The following MYBPC3 variants were observed in gnomAD, a reference collection of about 807,000 sequenced individuals.
MYBPC3 encodes the protein myosin binding protein C3, also known as myosin-binding protein C, cardiac-type.
In MYBPC3, 108 loss-of-function variants were observed where a neutral mutation model predicts 159.3. The observed-to-expected ratio is 0.68, with a 90% confidence interval of 0.58 to 0.80. MYBPC3 has a LOEUF of 0.80. Among genes scored for constraint, MYBPC3 ranks in the 30% least tolerant of loss-of-function variants. MYBPC3 has a pLI of 0.00. For synonymous variants in MYBPC3, 730 were observed against 702.0 expected, an observed-to-expected ratio of 1.04 and a Z score of -0.63; for missense variants, 1,631 against 1,762.1, an observed-to-expected ratio of 0.93 and a Z score of 1.33.
intron 34 of MYBPC3, 23 bp downstream of exon 34, chr11:47,331,822 C>G (rs767994248): frequency 2.1e-5 from 34 of 1,592,012 alleles, no homozygotes; most frequent in Admixed American, 3.5e-5. Context: ...TGACTTGTGC[C>G]CTGGGTGTCG....
intron 27 of MYBPC3, 133 bp downstream of exon 27, chr11:47,334,909 C>T (rs2095880709): frequency 8.9e-7 from 1 of 1,127,698 alleles, no homozygotes; most frequent in South Asian, 3.0e-5. Context: ...GACGATGGCT[C>T]CAACCCCTCC....
chr11:47,345,184 C>T (rs1028095757), intron 12 of MYBPC3, among the ~76,000 whole-genome samples: 4 of 152,242 alleles, frequency 2.6e-5, no homozygotes, highest in African/African-American at 7.2e-5. Context: ...TCTTTTCCTC[C>T]TTGGGCACCT....
At chr11:47,343,231 C>A in intron 14 of MYBPC3, 29 bp downstream of exon 14, 5 of 1,573,350 alleles carry the variant, frequency 3.2e-6, no homozygotes, top group Non-Finnish European at 3.4e-6. Context: ...CTGTGCCCCC[C>A]ACCCCAAGCC....
intron 12 of MYBPC3, among the ~76,000 whole-genome samples, chr11:47,345,781 G>A (rs190228104): frequency 1.2e-3 from 184 of 152,256 alleles, no homozygotes; most frequent in Non-Finnish European, 1.8e-3. Context: ...CAGGCTTAGC[G>A]GGCCTCTTCC....
In MYBPC3 at chr11:47,332,800, T is replaced by C; in HGVS notation, c.3490+14A>G. ...CTGCCCCAGCCCCTGGTTGGAAGAA[T>C]GAGGGTACAGCACCTGGTCTGGGGA... On this transcript the variant is annotated intron_variant, in intron 31 of 34. Coordinates refer to ENST00000545968, the MANE Select transcript of MYBPC3 (RefSeq NM_000256.3). The surrounding 1 kb of genome is among the most constrained non-coding windows in gnomAD (Gnocchi z 4.2). The C allele has an allele frequency of 6.2e-7, 1 of 1,600,182 alleles. No homozygotes were observed. Among genetic ancestry groups the C allele is most frequent in the South Asian group, 1.1e-5 (1 of 88,966 alleles).
Position 47,331,477 on chromosome 11 carries a change from C to T in MYBPC3, c.*266G>A, listed in dbSNP as rs564117422. On this transcript the variant is annotated 3_prime_UTR_variant, in exon 35 of 35. Transcript: ENST00000545968. ...GGGAAGACATAGCAGGCCAGAAAGGCCTGTCCCCAGACATTGTTTCTTGAG... is the reference window on the plus strand; with the variant it reads ...GGGAAGACATAGCAGGCCAGAAAGGTCTGTCCCCAGACATTGTTTCTTGAG... 9.8e-6 allele frequency: 2 copies of T among 204,768 alleles called. No individual in the cohort carries two copies. The highest frequency in any genetic ancestry group is 1.7e-4 in the South Asian group (1 of 5,978). 12.7% of individuals were successfully genotyped at this position (204,768 alleles called of 1,614,324 possible). A position where few individuals can be genotyped will look rare whatever the true frequency, so the allele number is the denominator to read the frequency against.
chr11:47,340,162 T>G (rs1184917520), intron 20 of MYBPC3, among the ~76,000 whole-genome samples: 5 of 150,420 alleles, frequency 3.3e-5, no homozygotes, highest in South Asian at 2.1e-4. Flanking sequence ...CAGACACACA[T>G]ACACATACAC....
At chr11:47,349,256 G>A (rs1565630647) in intron 5 of MYBPC3, among the ~76,000 whole-genome samples, 1 of 151,986 alleles carries the variant, frequency 6.6e-6, no homozygotes, top group East Asian at 1.9e-4. Context: ...CACAAAAAAC[G>A]AAGGCTTAAG....
Position 47,351,053 on chromosome 11 carries a change from G to A in MYBPC3, c.292+186C>T, listed in dbSNP as rs1218597334. 3.3e-5 allele frequency among the ~76,000 whole-genome samples: 5 copies of A among 152,244 alleles called. No homozygotes were observed. Among genetic ancestry groups the A allele is most frequent in the Non-Finnish European group, 7.3e-5 (5 of 68,042 alleles). Reference sequence around the variant, plus strand: ...CCCATGGCTGGAACAAGCCAGGATGGCACATGGGGGTACTCAGAGAGGTCA... The same window carrying A: ...CCCATGGCTGGAACAAGCCAGGATGACACATGGGGGTACTCAGAGAGGTCA... On this transcript the variant is annotated intron_variant, in intron 2 of 34. Coordinates refer to ENST00000545968, the MANE Select transcript of MYBPC3 (RefSeq NM_000256.3). This position sits in a 1 kb window ranked among gnomAD's most constrained non-coding sequence, Gnocchi z 4.2.
At chr11:47,331,785 C>G (rs2095875913) in intron 34 of MYBPC3, 60 bp downstream of exon 34, 1 of 1,529,366 alleles carries the variant, frequency 6.5e-7, no homozygotes, top group African/African-American at 1.4e-5. Flanking sequence ...ATGGCTGCCC[C>G]AGGACCAAGG....
At chr11:47,339,624 G>T in intron 21 of MYBPC3, 27 bp downstream of exon 21, 1 of 1,547,956 alleles carries the variant, frequency 6.5e-7, no homozygotes. Context: ...CTTATAGATG[G>T]GGAGACTGAG....
rs749867888 is a variant in MYBPC3, at chr11:47,346,354, C to A, written c.943G>T (p.Ala315Ser). The A allele has an allele frequency of 6.3e-7, 1 of 1,595,208 alleles. No individual in the cohort carries two copies. The highest frequency in any genetic ancestry group is 8.6e-7 in the Non-Finnish European group (1 of 1,169,456). ...TCCCACACGTCCTCCTCTGCTGGTG[C>A]CTCCAGCTTCGAGTCCCTGTGTCCC... Reference protein sequence around the residue: ...FRTPRDSKLEAPAEEDVWEIL... With the variant: ...FRTPRDSKLESPAEEDVWEIL... The change falls in exon 12 of 35, where the codon GCA becomes TCA. Residue 315 changes from alanine (A) to serine (S), a missense_variant. Coordinates refer to ENST00000545968, the MANE Select transcript of MYBPC3 (RefSeq NM_000256.3). This position sits in a 1 kb window ranked among gnomAD's most constrained non-coding sequence, Gnocchi z 5.3.
chr11:47,342,127 C>T lies in MYBPC3; in HGVS notation c.1654G>A (p.Ala552Thr), dbSNP rs727504887. 1 of 1,614,026 alleles carries T rather than the reference C, an allele frequency of 6.2e-7. No individual in the cohort carries two copies. Among genetic ancestry groups the T allele is most frequent in the Non-Finnish European group, 8.5e-7 (1 of 1,179,894 alleles). ...TCCTTTGCGCCCACCATCAGGTCTG[C>T]GATGCTCTGGTACACCTCCAGCTTC... ...EKKLEVYQSI[A>T]DLMVGAKDQA... The change falls in exon 18 of 35, where the codon GCA becomes ACA. Residue 552 changes from alanine to threonine, a missense_variant. Transcript: ENST00000545968.
rs1565627976 is a variant in MYBPC3 at position 47,342,741 on chromosome 11, C to T, written c.1461G>A (p.Leu487=). Residue 487 remains leucine, a synonymous_variant, in exon 17 of 35, where the codon CTG becomes CTA. Coordinates refer to ENST00000545968, the MANE Select transcript of MYBPC3 (RefSeq NM_000256.3). ...VSEEGAQVKW[L]KDGVELTREE... is the part of the protein sequence containing the mutation. ...CCCGGGTCAGCTCCACCCCGTCCTT[C>T]AGCCTAGCCGGGTGGGTGGGTGGCA... 3 of 1,613,920 alleles carry T rather than the reference C, an allele frequency of 1.9e-6. No homozygotes were observed. Among genetic ancestry groups the T allele is most frequent in the South Asian group, 1.1e-5 (1 of 91,074 alleles).
chr11:47,342,719 G>A lies in MYBPC3; in HGVS notation c.1483C>T (p.Arg495Trp), dbSNP rs397515905. 7.4e-6 allele frequency: 12 copies of A among 1,613,880 alleles called. No individual in the cohort carries two copies. Among genetic ancestry groups the A allele is most frequent in the Non-Finnish European group, 1.0e-5 (12 of 1,179,878 alleles). ...KWLKDGVELT[R>W]EETFKYRFKK... ...AACCGGTATTTGAAGGTCTCCTCCC[G>A]GGTCAGCTCCACCCCGTCCTTCAGC... is the stretch of plus-strand genomic sequence containing the variant. Residue 495 changes from arginine (R) to tryptophan (W), a missense_variant, in exon 17 of 35, where the codon CGG becomes TGG. Coordinates refer to ENST00000545968, the MANE Select transcript of MYBPC3 (RefSeq NM_000256.3).
chr11:47,339,853 G>T lies in MYBPC3; in HGVS notation c.1928-63C>A, dbSNP rs11570090. 546 of 1,566,414 alleles carry T rather than the reference G, an allele frequency of 3.5e-4. 2 individuals are homozygous for T. The African/African-American group carries it at 6.5e-3, about 19-fold the overall frequency. ...GCCAGGAGGAGCACAGGTCACTGGG[G>T]CGGGGCTGCTCAAGAGCCTGGGCCC... is the stretch of plus-strand genomic sequence containing the variant. On this transcript the variant is annotated intron_variant, in intron 20 of 34. Coordinates refer to ENST00000545968, the MANE Select transcript of MYBPC3 (RefSeq NM_000256.3).
intron 26 of MYBPC3, 180 bp downstream of exon 26, chr11:47,335,697 T>C: frequency 3.8e-6 from 2 of 521,652 alleles, no homozygotes; most frequent in Admixed American, 7.6e-5. Context: ...AGCTTTACTC[T>C]GCATTTGTTT....
intron 5 of MYBPC3, among the ~76,000 whole-genome samples, chr11:47,349,335 G>A (rs2095897878): frequency 6.6e-6 from 1 of 152,152 alleles, no homozygotes; most frequent in Admixed American, 6.5e-5. Context: ...TTCCGTGTCT[G>A]TATAATGAGG....
In MYBPC3 at chr11:47,338,396, C is replaced by G. The variant is rs563020574; in HGVS notation, c.2308+124G>C. The stretch of plus-strand genomic sequence containing the variant: ...CTCCTTTTGGGCAGAAAAACCTGTC[C>G]TGTTGCCGCTCGGCTCAGGGAGCAT... On this transcript the variant is annotated intron_variant, in intron 23 of 34. Coordinates refer to ENST00000545968, the MANE Select transcript of MYBPC3 (RefSeq NM_000256.3). This position sits in a 1 kb window ranked among gnomAD's most constrained non-coding sequence, Gnocchi z 4.7. 7.2e-7 allele frequency: 1 copy of G among 1,394,090 alleles called. No individual in the cohort carries two copies. The highest frequency in any genetic ancestry group is 9.7e-7 in the Non-Finnish European group (1 of 1,028,368). 86.4% of individuals were successfully genotyped at this position (1,394,090 alleles called of 1,614,324 possible).
Sources: gnomAD v4.1 joint callset for allele counts (sites outside exome capture counted in the v4.1 genomes callset) on GRCh38, gnomAD v4.1.1 for gene constraint, Gnocchi (gnomAD v3.1) non-coding constraint, MANE v1.5 for transcripts, NCBI Gene and HGNC (gene_info 2026-07-23, HGNC 2026-07-21) for gene names.